FKTN: variants seen among roughly 807,000 people sequenced by gnomAD.
The protein encoded by FKTN is ribitol-5-phosphate transferase FKTN.
A neutral mutation model predicts 58.6 loss-of-function variants in FKTN; 47 were observed. That is an observed-to-expected ratio of 0.80 (90% CI 0.63 to 1.02). FKTN has a LOEUF of 1.02. FKTN is among the 50% of genes least tolerant of loss of function. The pLI, the probability that FKTN is intolerant of heterozygous loss-of-function variation, is 0.00. For synonymous variants in FKTN, 178 were observed against 191.9 expected, an observed-to-expected ratio of 0.93 and a Z score of 0.60; for missense variants, 516 against 537.3, an observed-to-expected ratio of 0.96 and a Z score of 0.39.
At chr9:105,610,093 C>T (rs1044606174) in intron 7 of FKTN, among the ~76,000 whole-genome samples, 3 of 151,060 alleles carry the variant, frequency 2.0e-5, no homozygotes, top group Non-Finnish European at 4.4e-5. Context: ...CTTCATAATG[C>T]TTTCTGTGTC....
In FKTN at chr9:105,574,652, G is replaced by A. The variant is rs921501836; in HGVS notation, c.-88-293G>A. 3.3e-5 allele frequency among the ~76,000 whole-genome samples: 5 copies of A among 151,986 alleles called. No homozygotes were observed. The East Asian group carries it at 5.8e-4, about 18-fold the overall frequency. ...AATGAAAATTCTGAGGTCTCATACC[G>A]GATTTACTGAATCAGAAACTGGAGG... On this transcript the variant is annotated intron_variant, in intron 2 of 10. Coordinates refer to ENST00000357998, the MANE Select transcript of FKTN (RefSeq NM_001079802.2).
intron 10 of FKTN, among the ~76,000 whole-genome samples, chr9:105,622,748 A>G (rs1054615374): frequency 5.9e-5 from 9 of 152,112 alleles, no homozygotes; most frequent in African/African-American, 2.2e-4. Context: ...CATTTAGAAC[A>G]GTACCTGGCA....
chr9:105,573,031 T>G (rs2131972522), intron 1 of FKTN, among the ~76,000 whole-genome samples: 1 of 152,040 alleles, frequency 6.6e-6, no homozygotes, highest in South Asian at 2.1e-4. Context: ...GGTGAGGAGT[T>G]CGTGACCAGC....
At chr9:105,563,809 T>C (rs1838812591) in intron 1 of FKTN, among the ~76,000 whole-genome samples, 1 of 152,108 alleles carries the variant, frequency 6.6e-6, no homozygotes, top group Non-Finnish European at 1.5e-5. Flanking sequence ...GAGTAGTGGT[T>C]CTCCCAGCAT....
Position 105,639,033 on chromosome 9 carries a change from T to C in FKTN, c.*3769T>C, listed in dbSNP as rs1588332116. ...TACATATTTTTCTAAGTTTCCCCCC[T>C]AGTTTCACTTTCTGGAAAGTGAACA... On this transcript the variant is annotated 3_prime_UTR_variant, in exon 11 of 11. Transcript: ENST00000357998. 1 of 985,356 alleles carries C rather than the reference T, an allele frequency of 1.0e-6. No individual in the cohort carries two copies. Among genetic ancestry groups the C allele is most frequent in the Non-Finnish European group, 1.2e-6 (1 of 829,860 alleles). The allele number at this position is 985,356 out of a possible 1,614,324, so 61.0% of individuals were successfully genotyped here. A position where few individuals can be genotyped will look rare whatever the true frequency, so the allele number is the denominator to read the frequency against.
chr9:105,604,140 T>C lies in FKTN; in HGVS notation c.370-75T>C, dbSNP rs17250175. ...TTCAATATAAGAATCACTTTAGTTT[T>C]GCTACTAGTATTTGGCTTTAAATAT... On this transcript the variant is annotated intron_variant, in intron 5 of 10. Transcript: ENST00000357998. The C allele has an allele frequency of 1.3e-3, 1,830 of 1,442,406 alleles. 3 individuals are homozygous for C. The highest frequency in any genetic ancestry group is 1.7e-3 in the Non-Finnish European group (1,706 of 1,027,320). The allele number at this position is 1,442,406 out of a possible 1,614,324, so 89.4% of individuals were successfully genotyped here.
At chr9:105,559,636 A>C (rs1370389032) in intron 1 of FKTN, among the ~76,000 whole-genome samples, 8 of 152,184 alleles carry the variant, frequency 5.3e-5, no homozygotes, top group Admixed American at 3.9e-4. Context: ...GTGAGCCAAG[A>C]TCAGGCCACT....
At chr9:105,634,579 G>A (rs1195352921) in intron 10 of FKTN, among the ~76,000 whole-genome samples, 1 of 152,246 alleles carries the variant, frequency 6.6e-6, no homozygotes, top group African/African-American at 2.4e-5. Flanking sequence ...GTAGGATCAT[G>A]TAAGCTATGG....
At chr9:105,597,336 C>T (rs1261367622) in intron 4 of FKTN, among the ~76,000 whole-genome samples, 4 of 152,090 alleles carry the variant, frequency 2.6e-5, no homozygotes, top group Non-Finnish European at 5.9e-5. Flanking sequence ...TTTCAGATCA[C>T]CAAGCAGTGG....
chr9:105,595,801 A>C (rs1404621983), intron 3 of FKTN, among the ~76,000 whole-genome samples: 1 of 152,196 alleles, frequency 6.6e-6, no homozygotes, highest in African/African-American at 2.4e-5. Context: ...TTAGGGTGAG[A>C]CTACTCTAAT....
chr9:105,595,484 C>T (rs918043501), intron 3 of FKTN, among the ~76,000 whole-genome samples: 51 of 152,156 alleles, frequency 3.4e-4, no homozygotes, highest in African/African-American at 1.2e-3. Flanking sequence ...TTTGCAGTCT[C>T]TTTTCAGGTT....
chr9:105,581,635 G>GC (rs1198474209), intron 3 of FKTN, among the ~76,000 whole-genome samples: 3 of 152,158 alleles, frequency 2.0e-5, no homozygotes, highest in African/African-American at 4.8e-5. Context: ...TCTGTGCCCT[G>GC]CCCCCAGAGG....
intron 10 of FKTN, among the ~76,000 whole-genome samples, chr9:105,634,170 C>T (rs2133438617): frequency 6.6e-6 from 1 of 151,582 alleles, no homozygotes; most frequent in East Asian, 1.9e-4. Flanking sequence ...CTCACTGTGT[C>T]ACCCGGGCTG....
At chr9:105,607,383 A>G (rs1319029993) in intron 6 of FKTN, among the ~76,000 whole-genome samples, 1 of 152,046 alleles carries the variant, frequency 6.6e-6, no homozygotes, top group East Asian at 1.9e-4. Context: ...CCAAGTGTGT[A>G]TGAACAAGTA....
At chr9:105,570,272 ATTAC>A (rs1185901156) in intron 1 of FKTN, among the ~76,000 whole-genome samples, 1 of 152,096 alleles carries the variant, frequency 6.6e-6, no homozygotes, top group African/African-American at 2.4e-5. Context: ...CATACTTACT[ATTAC>A]TTGATGTTAA....
intron 7 of FKTN, among the ~76,000 whole-genome samples, chr9:105,611,557 G>T (rs1311263077): frequency 1.1e-4 from 17 of 152,150 alleles, no homozygotes. Context: ...GCGTCCATGT[G>T]TTCTCATCAT....
Position 105,640,971 on chromosome 9 carries a change from G to A in FKTN, c.*5707G>A, listed in dbSNP as rs1834382552. The A allele has an allele frequency of 6.6e-6, 1 of 152,184 alleles. No homozygotes were observed. The highest frequency in any genetic ancestry group is 2.4e-5 in the African/African-American group (1 of 41,452). The allele number at this position is 152,184 out of a possible 1,614,324, so 9.4% of individuals were successfully genotyped here. ...TATTTTAAAGATGAATTGATTCAAT[G>A]TGTACTTACCAGTTTACTGTGTGGT... On this transcript the variant is annotated 3_prime_UTR_variant, in exon 11 of 11. Transcript: ENST00000357998.
chr9:105,628,759 G>T (rs556647523), intron 10 of FKTN, among the ~76,000 whole-genome samples: 2 of 152,242 alleles, frequency 1.3e-5, no homozygotes, highest in South Asian at 4.1e-4. Context: ...ACTGATAAAT[G>T]CAATAACATG....
Position 105,636,437 on chromosome 9 carries a change from T to C in FKTN, c.*1173T>C, listed in dbSNP as rs762938995. On this transcript the variant is annotated 3_prime_UTR_variant, in exon 11 of 11. Coordinates refer to ENST00000357998, the MANE Select transcript of FKTN (RefSeq NM_001079802.2). ...GATCATAGAGTTTGTAAAGTTTGTG[T>C]CCCTCCCCAGTTTTTCAGTCTGTTG... is the stretch of plus-strand genomic sequence containing the variant. The C allele has an allele frequency of 4.0e-6, 4 of 991,270 alleles. No individual in the cohort carries two copies. Among genetic ancestry groups the C allele is most frequent in the Non-Finnish European group, 4.8e-6 (4 of 833,112 alleles). 61.4% of individuals were successfully genotyped at this position (991,270 alleles called of 1,614,324 possible). A position where few individuals can be genotyped will look rare whatever the true frequency, so the allele number is the denominator to read the frequency against.
Sources: gnomAD v4.1 joint callset for allele counts (sites outside exome capture counted in the v4.1 genomes callset) on GRCh38, gnomAD v4.1.1 for gene constraint, MANE v1.5 for transcripts, NCBI Gene and HGNC (gene_info 2026-07-23, HGNC 2026-07-21) for gene names.